The following EHD4 variants were observed in gnomAD, a reference collection of about 807,000 sequenced individuals.
EHD4 encodes the protein EH domain-containing protein 4.
In EHD4, 37 loss-of-function variants were observed where a neutral mutation model predicts 51.0. That is an observed-to-expected ratio of 0.73 (90% confidence interval 0.56 to 0.95). EHD4 has a LOEUF of 0.95. EHD4 is among the 40% of genes least tolerant of loss of function. The pLI, the probability that EHD4 is intolerant of heterozygous loss-of-function variation, is 0.00. For synonymous variants in EHD4, 297 were observed against 317.3 expected (o/e 0.94, Z 0.68); for missense variants, 632 against 733.1 (o/e 0.86, Z 1.59).
chr15:41,932,271 G>A (rs943758324), intron 3 of EHD4, among the ~76,000 whole-genome samples: 5 of 152,224 alleles, frequency 3.3e-5, no homozygotes, highest in African/African-American at 9.6e-5. Context: ...CAGGGCAGTG[G>A]AGCGAATCCC....
At chr15:41,972,190 G>C (rs919441324) in intron 1 of EHD4, 69 bp downstream of exon 1, 227 of 1,271,714 alleles carry the variant, frequency 1.8e-4, no homozygotes, top group Non-Finnish European at 2.2e-4. Context: ...GGCGGGAGGC[G>C]GCCGACTGCG....
At chr15:41,929,669 G>T (rs909041027) in intron 3 of EHD4, among the ~76,000 whole-genome samples, 1 of 152,194 alleles carries the variant, frequency 6.6e-6, no homozygotes, top group African/African-American at 2.4e-5. Flanking sequence ...AATCCTGTAA[G>T]TCCTGGAGCC....
At chr15:41,933,600 T>G (rs955008001) in intron 3 of EHD4, among the ~76,000 whole-genome samples, 2 of 152,130 alleles carry the variant, frequency 1.3e-5, no homozygotes, top group Non-Finnish European at 2.9e-5. Context: ...CCTAGAATCC[T>G]GCATTTATAA....
intron 4 of EHD4, among the ~76,000 whole-genome samples, chr15:41,918,138 G>C (rs1052495706): frequency 1.3e-5 from 2 of 151,924 alleles, no homozygotes; most frequent in African/African-American, 4.8e-5. Context: ...TCCTGGCCAG[G>C]CACGTAGTCA....
At chr15:41,938,885 G>A (rs1441556838) in intron 3 of EHD4, among the ~76,000 whole-genome samples, 2 of 152,188 alleles carry the variant, frequency 1.3e-5, no homozygotes, top group Non-Finnish European at 2.9e-5. Context: ...GTCAGAATCC[G>A]GAGGTTTGTA....
intron 3 of EHD4, chr15:41,925,962 TGAG>T (rs1388734359): frequency 6.6e-6 from 1 of 152,186 alleles, no homozygotes; most frequent in Non-Finnish European, 1.5e-5. Flanking sequence ...CGGGGGTCCC[TGAG>T]GAAGCAAATT....
At chr15:41,950,216 G>A (rs568466178) in intron 2 of EHD4, among the ~76,000 whole-genome samples, 1 of 152,358 alleles carries the variant, frequency 6.6e-6, no homozygotes, top group African/African-American at 2.4e-5. Context: ...AAGCCAGCCT[G>A]GGAGGCTGTG....
chr15:41,896,393 G>A lies in EHD4; in HGVS notation c.*4252C>T, dbSNP rs1704382. The A allele has an allele frequency of 0.89, 135,310 of 152,238 alleles. 60,185 individuals are homozygous for A. The highest frequency in any genetic ancestry group is 0.98 in the East Asian group (5,094 of 5,186). 9.4% of individuals were successfully genotyped at this position (152,238 alleles called of 1,614,324 possible). A position where few individuals can be genotyped will look rare whatever the true frequency, so the allele number is the denominator to read the frequency against. The stretch of plus-strand genomic sequence containing the variant: ...TACTGCAAGGTTCAGAGAAGACAGA[G>A]TATCTCTCTCAAGAGTTCTAACATA... On this transcript the variant is annotated 3_prime_UTR_variant, in exon 6 of 6. Transcript: ENST00000220325.
chr15:41,944,033 G>T (rs185471158), intron 2 of EHD4, among the ~76,000 whole-genome samples: 6 of 152,324 alleles, frequency 3.9e-5, no homozygotes, highest in Admixed American at 3.3e-4. Context: ...TTTCCCTGTA[G>T]TCACTGCCCT....
chr15:41,950,760 T>C (rs1053122882), intron 2 of EHD4, among the ~76,000 whole-genome samples: 5 of 152,090 alleles, frequency 3.3e-5, no homozygotes, highest in African/African-American at 1.2e-4. Context: ...AGGCATAGGG[T>C]GTGGGACAGG....
intron 1 of EHD4, among the ~76,000 whole-genome samples, 189 bp from the exon 2 acceptor site, chr15:41,954,129 C>T (rs371483180): frequency 9.9e-5 from 15 of 152,266 alleles, no homozygotes; most frequent in East Asian, 3.9e-4. Context: ...GGAAGTGTAC[C>T]GTGCTGGCTC....
intron 1 of EHD4, among the ~76,000 whole-genome samples, chr15:41,964,933 G>C (rs554097545): frequency 6.6e-6 from 1 of 151,726 alleles, no homozygotes; most frequent in African/African-American, 2.4e-5. Flanking sequence ...CACCATGTCC[G>C]GCTAATTTTT....
At chr15:41,939,173 T>C (rs2067750574) in intron 3 of EHD4, among the ~76,000 whole-genome samples, 1 of 152,202 alleles carries the variant, frequency 6.6e-6, no homozygotes, top group Admixed American at 6.5e-5. Flanking sequence ...GAAAGCAATT[T>C]AGAAAACCGC....
chr15:41,932,611 C>G (rs867983764), intron 3 of EHD4, among the ~76,000 whole-genome samples: 2 of 152,108 alleles, frequency 1.3e-5, no homozygotes, highest in Admixed American at 1.3e-4. Flanking sequence ...TCCCTAGATA[C>G]AAGAAAGAGG....
chr15:41,930,704 G>A (rs369005217), intron 3 of EHD4, among the ~76,000 whole-genome samples: 251 of 152,262 alleles, frequency 1.6e-3, no homozygotes, highest in African/African-American at 5.8e-3. Context: ...TAGCAATTAA[G>A]TTATCAGCTA....
In EHD4 at chr15:41,911,273, C is replaced by T. The variant is rs145472042; in HGVS notation, c.925-1410G>A. On this transcript the variant is annotated intron_variant, in intron 4 of 5. Coordinates refer to ENST00000220325, the MANE Select transcript of EHD4 (RefSeq NM_139265.4). ...TGAGAGGATGGTCTTGGAGAGATGA[C>T]GCTAAACCTTTCTGTCACCAGCAAA... 5.0e-3 allele frequency among the ~76,000 whole-genome samples: 761 copies of T among 152,286 alleles called. 4 individuals are homozygous for T. Among genetic ancestry groups the T allele is most frequent in the Non-Finnish European group, 7.9e-3 (538 of 68,022 alleles).
intron 1 of EHD4, among the ~76,000 whole-genome samples, chr15:41,964,107 TG>T (rs2141009847): frequency 7.9e-6 from 1 of 126,142 alleles, no homozygotes; most frequent in African/African-American, 3.1e-5. Flanking sequence ...ATCGCGCCAC[TG>T]CACTCCAGCC....
intron 2 of EHD4, among the ~76,000 whole-genome samples, chr15:41,943,840 T>A (rs907137064): frequency 6.6e-6 from 1 of 152,182 alleles, no homozygotes; most frequent in African/African-American, 2.4e-5. Context: ...GTGTCCCCTA[T>A]GGCTTTAGGG....
At chr15:41,958,036 G>A (rs1415779612) in intron 1 of EHD4, among the ~76,000 whole-genome samples, 3 of 152,042 alleles carry the variant, frequency 2.0e-5, no homozygotes, top group South Asian at 2.1e-4. Flanking sequence ...CATTTCTCAC[G>A]GTGGGAGTGC....
Sources: allele counts gnomAD v4.1 joint callset (sites outside exome capture counted in the v4.1 genomes callset), GRCh38; gene constraint gnomAD v4.1.1; transcripts MANE v1.5; gene names NCBI Gene and HGNC (gene_info 2026-07-23, HGNC 2026-07-21).